MLLT10: variants seen among roughly 807,000 people sequenced by gnomAD.
MLLT10 encodes the protein MLLT10 histone lysine methyltransferase DOT1L cofactor, also known as protein AF-10.
A neutral mutation model predicts 129.1 loss-of-function variants in MLLT10; 30 were observed. The observed-to-expected ratio is 0.23, with a 90% CI of 0.17 to 0.32. The LOEUF is 0.32. MLLT10 is among the 10% of genes least tolerant of loss of function. The pLI is 1.00. For missense variants in MLLT10, 1,119 were observed against 1,268.3 expected (o/e 0.88, Z 1.79); for synonymous variants, 490 against 446.4 (o/e 1.10, Z -1.23).
Position 21,743,468 on chromosome 10 carries a change from T to C in MLLT10, c.*1485T>C, listed in dbSNP as rs371289558. ...AATCTTTTGTAGATAATTTAAAAAATCAGTGTGGTTTATTTTACTTATTTA... is the reference window on the plus strand; with the variant it reads ...AATCTTTTGTAGATAATTTAAAAAACCAGTGTGGTTTATTTTACTTATTTA... On this transcript the variant is annotated 3_prime_UTR_variant, in exon 23 of 23. Coordinates refer to ENST00000307729, the MANE Select transcript of MLLT10 (RefSeq NM_001195626.3). 4 of 191,360 alleles carry C rather than the reference T, an allele frequency of 2.1e-5. No homozygotes were observed. The highest frequency in any genetic ancestry group is 9.3e-5 in the African/African-American group (4 of 43,038). The allele number at this position is 191,360 out of a possible 1,614,324, so 11.9% of individuals were successfully genotyped here. A position where few individuals can be genotyped will look rare whatever the true frequency, so the allele number is the denominator to read the frequency against.
At chr10:21,619,159 G>A (rs946235756) in intron 8 of MLLT10, among the ~76,000 whole-genome samples, 2 of 152,086 alleles carry the variant, frequency 1.3e-5, no homozygotes, top group African/African-American at 4.8e-5. Flanking sequence ...GTAGGAGCCT[G>A]TCTTGTTTAT....
At chr10:21,555,027 G>A (rs2037699465) in intron 3 of MLLT10, among the ~76,000 whole-genome samples, 2 of 151,364 alleles carry the variant, frequency 1.3e-5, no homozygotes, top group Admixed American at 1.3e-4. Flanking sequence ...CACCATGTTG[G>A]TCAGGCTGGT....
chr10:21,666,829 C>T (rs1182763498), intron 9 of MLLT10, among the ~76,000 whole-genome samples: 1 of 152,080 alleles, frequency 6.6e-6, no homozygotes, highest in East Asian at 1.9e-4. Context: ...GAAATAAATA[C>T]ATTATAATTT....
intron 8 of MLLT10, chr10:21,626,358 T>C: frequency 2.9e-6 from 2 of 681,852 alleles, no homozygotes; most frequent in Non-Finnish European, 5.1e-6. Flanking sequence ...ACTAGAAATC[T>C]CGCACGCGTG....
chr10:21,582,121 T>A (rs1442406181), intron 3 of MLLT10, among the ~76,000 whole-genome samples: 2 of 151,956 alleles, frequency 1.3e-5, no homozygotes, highest in Non-Finnish European at 2.9e-5. Context: ...TTTTTTTTTT[T>A]AATTTTTAAA....
intron 3 of MLLT10, among the ~76,000 whole-genome samples, chr10:21,583,591 C>T (rs1005638782): frequency 8.5e-5 from 13 of 152,130 alleles, no homozygotes; most frequent in Non-Finnish European, 1.3e-4. Flanking sequence ...CATCTTTGGG[C>T]TGAGGAAACT....
intron 14 of MLLT10, among the ~76,000 whole-genome samples, chr10:21,718,905 G>A (rs2056940845): frequency 1.3e-5 from 2 of 152,072 alleles, no homozygotes; most frequent in African/African-American, 2.4e-5. Context: ...TGTGTTTTTG[G>A]TAGAGATGGG....
chr10:21,641,129 A>C (rs1442978992), intron 8 of MLLT10, among the ~76,000 whole-genome samples: 1 of 152,216 alleles, frequency 6.6e-6, no homozygotes, highest in Non-Finnish European at 1.5e-5. Flanking sequence ...ATGCTGGGAA[A>C]TGTCTAGTTA....
chr10:21,577,389 T>G (rs2040880980), intron 3 of MLLT10, among the ~76,000 whole-genome samples: 1 of 152,164 alleles, frequency 6.6e-6, no homozygotes, highest in African/African-American at 2.4e-5. Context: ...TGTTTCATGC[T>G]GTAACTCTGT....
intron 8 of MLLT10, among the ~76,000 whole-genome samples, chr10:21,630,069 G>GC (rs1444880090): frequency 6.6e-6 from 1 of 152,212 alleles, no homozygotes; most frequent in African/African-American, 2.4e-5. Context: ...AAGAAGAGAA[G>GC]CATGTAGGTG....
At chr10:21,673,954 C>T (rs539369085) in intron 11 of MLLT10, 35 bp downstream of exon 11, 1 of 1,461,396 alleles carries the variant, frequency 6.8e-7, no homozygotes, top group African/African-American at 1.4e-5. Context: ...TTCTCCTTCA[C>T]TCCCACCACC....
At chr10:21,719,042 T>C in intron 14 of MLLT10, among the ~76,000 whole-genome samples, 1 of 152,210 alleles carries the variant, frequency 6.6e-6, no homozygotes, top group East Asian at 1.9e-4. Context: ...ATTTTAAACA[T>C]ACAATTTAGT....
Position 21,572,764 on chromosome 10 carries a change from C to T in MLLT10, c.241-13530C>T, listed in dbSNP as rs181300613. On this transcript the variant is annotated intron_variant, in intron 3 of 22. Coordinates refer to ENST00000307729, the MANE Select transcript of MLLT10 (RefSeq NM_001195626.3). ...AGGAGCTGGGATTACAGGCATGTAC[C>T]ACTAAGCACAGCTAATTTTTATGTT... Among the ~76,000 whole-genome samples the T allele has an allele frequency of 2.2e-3, 335 of 152,204 alleles. 3 individuals carry two copies. Among genetic ancestry groups the T allele is most frequent in the African/African-American group, 7.7e-3 (320 of 41,516 alleles).
chr10:21,727,284 A>T (rs1025385217), intron 15 of MLLT10, among the ~76,000 whole-genome samples: 1 of 152,102 alleles, frequency 6.6e-6, no homozygotes, highest in South Asian at 2.1e-4. Context: ...TGAAAAGTTA[A>T]TTTTTTTCTT....
chr10:21,626,553 C>A (rs187183769), intron 8 of MLLT10, among the ~76,000 whole-genome samples: 5 of 152,164 alleles, frequency 3.3e-5, no homozygotes, highest in Non-Finnish European at 2.9e-5. Context: ...GTAACCCAAA[C>A]GCCTTTTAAT....
intron 14 of MLLT10, among the ~76,000 whole-genome samples, chr10:21,714,821 C>T (rs1055563916): frequency 1.3e-5 from 2 of 152,146 alleles, no homozygotes; most frequent in African/African-American, 4.8e-5. Flanking sequence ...CGTGAGCCAC[C>T]AAGCACAGCC....
chr10:21,599,305 G>A (rs1015242223), intron 5 of MLLT10, among the ~76,000 whole-genome samples: 3 of 152,062 alleles, frequency 2.0e-5, no homozygotes, highest in Non-Finnish European at 4.4e-5. Flanking sequence ...TTGTGCCACT[G>A]CACTCCAGCC....
chr10:21,598,939 G>A lies in MLLT10; in HGVS notation c.405+3499G>A, dbSNP rs138935268. On this transcript the variant is annotated intron_variant, in intron 5 of 22. Coordinates refer to ENST00000307729, the MANE Select transcript of MLLT10 (RefSeq NM_001195626.3). ...TCACGCCTGTAATCCCAGCACTTTG[G>A]GAGACCCAGGCGGGTAGATCACGAG... is the stretch of plus-strand genomic sequence containing the variant. Among the ~76,000 whole-genome samples, 1,221 of 152,132 alleles carry A rather than the reference G, an allele frequency of 8.0e-3. 5 individuals are homozygous for A. The highest frequency in any genetic ancestry group is 0.014 in the Non-Finnish European group (973 of 67,996).
At chr10:21,715,319 G>A (rs758327671) in intron 14 of MLLT10, among the ~76,000 whole-genome samples, 18 of 152,174 alleles carry the variant, frequency 1.2e-4, no homozygotes, top group Non-Finnish European at 1.2e-4. Flanking sequence ...TAGTAGTATC[G>A]TCTTTGAAGA....
Sources: gnomAD v4.1 joint callset for allele counts (sites outside exome capture counted in the v4.1 genomes callset) on GRCh38, gnomAD v4.1.1 for gene constraint, MANE v1.5 for transcripts, NCBI Gene and HGNC (gene_info 2026-07-23, HGNC 2026-07-21) for gene names.